The following RAB3GAP1 variants were observed in gnomAD, a reference collection of about 807,000 sequenced individuals.
RAB3GAP1 encodes RAB3 GTPase activating protein catalytic subunit 1, also known as rab3 GTPase-activating protein catalytic subunit.
A neutral mutation model predicts 130.7 loss-of-function variants in RAB3GAP1; 86 were observed. That is an observed-to-expected ratio of 0.66 (90% CI 0.55 to 0.79). The LOEUF (loss-of-function observed/expected upper bound fraction) is 0.79. Among genes scored for constraint, RAB3GAP1 ranks in the 30% least tolerant of loss-of-function variants. The pLI is 0.00. For missense variants in RAB3GAP1, 1,029 were observed against 1,169.4 expected, an observed-to-expected ratio of 0.88 and a Z score of 1.75; for synonymous variants, 367 against 401.7, an observed-to-expected ratio of 0.91 and a Z score of 1.03.
In RAB3GAP1 at chr2:135,153,681, T is replaced by C. The variant is rs988670284; in HGVS notation, c.2094T>C (p.Phe698=). 2 of 1,613,906 alleles carry C rather than the reference T, an allele frequency of 1.2e-6. No homozygotes were observed. Among genetic ancestry groups the C allele is most frequent in the Non-Finnish European group, 1.7e-6 (2 of 1,179,918 alleles). The part of the protein sequence containing the change: ...AANPGCSLED[F]VRWYSPRDYI... ...ATCCAGGTTGCTCCCTGGAAGATTT[T>C]GTGAGGTGGTATTCACCCCGGGATT... Residue 698 remains phenylalanine, a synonymous_variant, in exon 19 of 24, where the codon TTT becomes TTC. Coordinates refer to ENST00000264158, the MANE Select transcript of RAB3GAP1 (RefSeq NM_012233.3).
chr2:135,052,497 G>A lies in RAB3GAP1; in HGVS notation c.74+12G>A, dbSNP rs1362026034. ...TCGGAATGGGAAAGGTGAGTGAATC[G>A]CATTTTTGGTTACCAGCTCCCATGG... On this transcript the variant is annotated intron_variant, in intron 2 of 23. Transcript: ENST00000264158. 2.5e-6 allele frequency: 4 copies of A among 1,613,164 alleles called. No homozygotes were observed. In the South Asian group the frequency reaches 4.4e-5, roughly 18 times the overall value.
At chr2:135,078,687 CCCCTGCCCTCCCCTCCCCTCTCCTT>C (rs1689699900) in intron 3 of RAB3GAP1, among the ~76,000 whole-genome samples, 9 of 73,632 alleles carry the variant, frequency 1.2e-4, no homozygotes, top group African/African-American at 6.8e-4. Context: ...CCCCTCCCCT[CCCCTGCCCTCCCCTCCCCTCTCCTT>C]TCCTTTCCTT....
chr2:135,134,856 G>A (rs1202149996), intron 15 of RAB3GAP1, among the ~76,000 whole-genome samples: 2 of 152,094 alleles, frequency 1.3e-5, no homozygotes, highest in African/African-American at 4.8e-5. Flanking sequence ...TACAGGTGGA[G>A]ATCTTGGTTT....
chr2:135,106,165 C>G (rs965894275), intron 5 of RAB3GAP1, among the ~76,000 whole-genome samples: 2 of 151,506 alleles, frequency 1.3e-5, no homozygotes, highest in African/African-American at 4.9e-5. Flanking sequence ...CGGCCGCCGC[C>G]CCGTCCGGGA....
At chr2:135,060,419 C>T (rs1689135223) in intron 3 of RAB3GAP1, among the ~76,000 whole-genome samples, 1 of 151,760 alleles carries the variant, frequency 6.6e-6, no homozygotes, top group Non-Finnish European at 1.5e-5. Flanking sequence ...GCCACCACAC[C>T]TGGCTAATTT....
At chr2:135,063,191 G>GT (rs1689228628) in intron 3 of RAB3GAP1, among the ~76,000 whole-genome samples, 1 of 152,098 alleles carries the variant, frequency 6.6e-6, no homozygotes. Context: ...TTTGCTGAAC[G>GT]TTTTTTGTTT....
chr2:135,127,500 C>T lies in RAB3GAP1; in HGVS notation c.973+844C>T, dbSNP rs1046495320. On this transcript the variant is annotated intron_variant, in intron 11 of 23. Transcript: ENST00000264158. Reference sequence around the variant, plus strand: ...CTGGGACTATAGGCGCCCGCCACCACGCCCTTTAATTTTTTGTGTTTTTAG... The same window carrying T: ...CTGGGACTATAGGCGCCCGCCACCATGCCCTTTAATTTTTTGTGTTTTTAG... Among the ~76,000 whole-genome samples, 14 of 151,574 alleles carry T rather than the reference C, an allele frequency of 9.2e-5. 1 individual carries two copies. In the East Asian group the frequency reaches 2.4e-3, roughly 26 times the overall value.
chr2:135,093,192 A>T (rs1314127922), intron 4 of RAB3GAP1, among the ~76,000 whole-genome samples: 1 of 152,234 alleles, frequency 6.6e-6, no homozygotes, highest in Non-Finnish European at 1.5e-5. Context: ...GAAGCCAGGT[A>T]GAAGTTTTAC....
At position 135,052,457 on chromosome 2, in the gene RAB3GAP1, G is replaced by A. The variant is rs141518860; in HGVS notation, c.46G>A (p.Asp16Asn). Residue 16 changes from aspartate (D) to asparagine (N), a missense_variant, in exon 2 of 24, where the codon GAC becomes AAC. By Grantham distance (23) the Asp-to-Asn change is conservative (BLOSUM62 1). Around this residue, in one of 3 missense-constraint regions of RAB3GAP1, gnomAD observed 510 missense variants for 532.1 expected, o/e 0.96. Coordinates refer to ENST00000264158, the MANE Select transcript of RAB3GAP1 (RefSeq NM_012233.3). ...CGAATCCGAGGTATTTGAGATCACG[G>A]ACTTCACCACTGCCTCGGAATGGGA... ...EPESEVFEIT[D>N]FTTASEWERF... 8.1e-6 allele frequency: 13 copies of A among 1,613,888 alleles called. No individual in the cohort carries two copies. The African/African-American group carries it at 1.7e-4, about 22-fold the overall frequency.
chr2:135,117,560 TTCTTCTTCTG>T (rs1691031782), intron 7 of RAB3GAP1, among the ~76,000 whole-genome samples: 1 of 151,186 alleles, frequency 6.6e-6, no homozygotes, highest in Admixed American at 6.6e-5. Context: ...CTTCTTCTGC[TTCTTCTTCTG>T]CTTCTTCTTC....
intron 5 of RAB3GAP1, among the ~76,000 whole-genome samples, chr2:135,104,881 T>C (rs1406063450): frequency 6.6e-6 from 1 of 151,932 alleles, no homozygotes; most frequent in Non-Finnish European, 1.5e-5. Context: ...AGAGCGAAAC[T>C]CCATCTCAAA....
chr2:135,135,093 T>C (rs1211174771), intron 15 of RAB3GAP1, among the ~76,000 whole-genome samples, 172 bp from the exon 16 acceptor site: 2 of 152,330 alleles, frequency 1.3e-5, no homozygotes, highest in South Asian at 2.1e-4. Context: ...AAATAAATTT[T>C]CATCTTTTAA....
intron 3 of RAB3GAP1, among the ~76,000 whole-genome samples, chr2:135,068,793 A>G (rs1171966408): frequency 1.3e-5 from 2 of 152,290 alleles, no homozygotes; most frequent in East Asian, 3.9e-4. Context: ...CTTATTTTAG[A>G]CACTGTTTGA....
intron 23 of RAB3GAP1, 146 bp from the exon 24 acceptor site, chr2:135,168,399 T>C (rs1692726890): frequency 7.5e-6 from 6 of 801,992 alleles, no homozygotes; most frequent in Non-Finnish European, 1.1e-5. Flanking sequence ...ATGTGGTTTT[T>C]GAGTAATCTT....
intron 19 of RAB3GAP1, among the ~76,000 whole-genome samples, chr2:135,158,121 A>G (rs1692366761): frequency 6.6e-6 from 1 of 152,190 alleles, no homozygotes; most frequent in Non-Finnish European, 1.5e-5. Flanking sequence ...GTATGTGGGT[A>G]TGGACATAGT....
chr2:135,122,391 T>G (rs373516989), intron 8 of RAB3GAP1, among the ~76,000 whole-genome samples: 128 of 152,288 alleles, frequency 8.4e-4, no homozygotes, highest in Admixed American at 1.4e-3. Flanking sequence ...CTTCCAAGGC[T>G]ACTCTCTTAT....
intron 3 of RAB3GAP1, among the ~76,000 whole-genome samples, chr2:135,074,033 C>G (rs1422850028): frequency 6.6e-6 from 1 of 152,176 alleles, no homozygotes; most frequent in Non-Finnish European, 1.5e-5. Context: ...GCACTAGGGC[C>G]TTACACTGGA....
chr2:135,111,839 G>C (rs1346984536), intron 5 of RAB3GAP1, among the ~76,000 whole-genome samples: 3 of 151,976 alleles, frequency 2.0e-5, no homozygotes, highest in Non-Finnish European at 4.4e-5. Context: ...GATACAAAAT[G>C]TTTACTTTCC....
intron 11 of RAB3GAP1, among the ~76,000 whole-genome samples, chr2:135,126,945 G>A (rs781366098): frequency 2.0e-5 from 3 of 151,426 alleles, no homozygotes; most frequent in Non-Finnish European, 4.4e-5. Context: ...GGCATGTCTC[G>A]GCTCACTGCA....
Sources: allele counts gnomAD v4.1 joint callset (sites outside exome capture counted in the v4.1 genomes callset), GRCh38; gene constraint gnomAD v4.1.1; regional missense constraint gnomAD v4.1.1; transcripts MANE v1.5; gene names NCBI Gene and HGNC (gene_info 2026-07-23, HGNC 2026-07-21).